ADAMTS9: variants seen among roughly 807,000 people sequenced by gnomAD.
The protein encoded by ADAMTS9 is A disintegrin and metalloproteinase with thrombospondin motifs 9.
ADAMTS9 carries 107 observed loss-of-function variants against 257.1 expected under a neutral mutation model. The observed-to-expected ratio is 0.42, with a 90% CI of 0.36 to 0.49. The LOEUF is 0.49. Among genes scored for constraint, ADAMTS9 ranks in the 20% least tolerant of loss-of-function variants. The probability of loss-of-function intolerance (pLI) is 0.03; values close to 1 mark genes in which losing one functional copy is unlikely to be tolerated. For missense variants in ADAMTS9, 2,353 were observed against 2,469.1 expected (o/e 0.95, Z 1.00); for synonymous variants, 982 against 880.9 (o/e 1.11, Z -2.03).
chr3:64,609,485 A>C (rs1424102607), intron 22 of ADAMTS9, among the ~76,000 whole-genome samples: 1 of 152,118 alleles, frequency 6.6e-6, no homozygotes, highest in African/African-American at 2.4e-5. Context: ...ATACATCAGC[A>C]ATGAACAATC....
At chr3:64,525,707 T>C (rs1330900921) in intron 38 of ADAMTS9, among the ~76,000 whole-genome samples, 1 of 151,680 alleles carries the variant, frequency 6.6e-6, no homozygotes, top group Admixed American at 6.6e-5. Context: ...ACCTCCCGGG[T>C]TCAAGCGATT....
chr3:64,552,422 T>C (rs921947251), intron 30 of ADAMTS9, among the ~76,000 whole-genome samples: 12 of 152,166 alleles, frequency 7.9e-5, no homozygotes, highest in African/African-American at 1.2e-4. Context: ...TCAAGACTCA[T>C]TGGGAAGCCC....
At position 64,686,917 on chromosome 3, in the gene ADAMTS9, A is replaced by T; in HGVS notation, c.167T>A (p.Val56Glu). 1 of 1,614,114 alleles carries T rather than the reference A, an allele frequency of 6.2e-7. No individual in the cohort carries two copies. Among genetic ancestry groups the T allele is most frequent in the Non-Finnish European group, 8.5e-7 (1 of 1,180,022 alleles). The change falls in exon 2 of 40, where the codon GTG becomes GAG. Residue 56 changes from valine (V) to glutamate (E), a missense_variant. By Grantham distance (121) the Val-to-Glu change is moderately radical (BLOSUM62 -2). Transcript: ENST00000498707. This position sits in a 1 kb window ranked among gnomAD's most constrained non-coding sequence, Gnocchi z 4.6. ...GGGAAAGGGTTCTCCGAGAGCGTTCACTCGGATGGGAGACACGATTTCGTA... is the reference window on the plus strand; with the variant it reads ...GGGAAAGGGTTCTCCGAGAGCGTTCTCTCGGATGGGAGACACGATTTCGTA... The part of the protein sequence containing the change: ...SEYEIVSPIR[V>E]NALGEPFPTN...
At chr3:64,626,512 T>A (rs1221740397) in intron 16 of ADAMTS9, among the ~76,000 whole-genome samples, 1 of 152,172 alleles carries the variant, frequency 6.6e-6, no homozygotes, top group Non-Finnish European at 1.5e-5. Flanking sequence ...TCCACTTTTT[T>A]GACTAATAGA....
At chr3:64,677,902 C>A (rs1380005947) in intron 3 of ADAMTS9, among the ~76,000 whole-genome samples, 2 of 152,230 alleles carry the variant, frequency 1.3e-5, no homozygotes, top group Non-Finnish European at 2.9e-5. Flanking sequence ...CTGTAGACTC[C>A]TTTCTAAACC....
chr3:64,541,372 C>T lies in ADAMTS9; in HGVS notation c.5335G>A (p.Val1779Met), dbSNP rs377449238. 13 of 1,614,014 alleles carry T rather than the reference C, an allele frequency of 8.1e-6. No homozygotes were observed. The highest frequency in any genetic ancestry group is 1.7e-5 in the Admixed American group (1 of 59,996). ...TCAGAGTCTCCATGCACCAGTGTCACGTACTCTTTGGGGTGGTCAGAGTGC... is the reference window on the plus strand; with the variant it reads ...TCAGAGTCTCCATGCACCAGTGTCATGTACTCTTTGGGGTGGTCAGAGTGC... ...GMHSDHPKEYVTLVHGDSENF... is the reference protein window; with the variant it reads ...GMHSDHPKEYMTLVHGDSENF... The change falls in exon 35 of 40, where the codon GTG becomes ATG. Residue 1779 changes from valine to methionine, a missense_variant. Transcript: ENST00000498707.
At chr3:64,649,541 G>A in intron 10 of ADAMTS9, 96 bp downstream of exon 10, 7 of 1,391,126 alleles carry the variant, frequency 5.0e-6, no homozygotes, top group Admixed American at 2.5e-5. Flanking sequence ...TTTTCCTTGG[G>A]TAGTTTATAG....
chr3:64,551,314 G>A (rs1399664607), intron 30 of ADAMTS9, among the ~76,000 whole-genome samples: 9 of 152,012 alleles, frequency 5.9e-5, no homozygotes, highest in Non-Finnish European at 7.4e-5. Context: ...GGTTCACGCC[G>A]TTTTCCTGCC....
chr3:64,648,152 G>A (rs1386835028), intron 10 of ADAMTS9, 108 bp from the exon 11 acceptor site: 21 of 958,700 alleles, frequency 2.2e-5, no homozygotes, highest in Non-Finnish European at 3.1e-5. Flanking sequence ...CATAGGGTAA[G>A]TGGGGAAGGA....
At chr3:64,517,415 G>GGTTTTTTTT (rs1553698661) in intron 39 of ADAMTS9, among the ~76,000 whole-genome samples, 188 of 11,512 alleles carry the variant, frequency 0.016, 8 homozygotes, top group African/African-American at 0.026. Context: ...AATTAAAAAT[G>GGTTTTTTTT]GTTTTTTTTT....
chr3:64,619,652 G>T lies in ADAMTS9; in HGVS notation c.2813+1462C>A, dbSNP rs117354114. ...TATAAGAACAATCCTATTAGTAAAA[G>T]AATATTAATAGGATAATATATAACT... is the stretch of plus-strand genomic sequence containing the variant. On this transcript the variant is annotated intron_variant, in intron 19 of 39. Transcript: ENST00000498707. 1.7e-3 allele frequency among the ~76,000 whole-genome samples: 254 copies of T among 152,142 alleles called. 6 individuals carry two copies. In the East Asian group the frequency reaches 0.046, roughly 27 times the overall value.
intron 11 of ADAMTS9, among the ~76,000 whole-genome samples, chr3:64,644,978 T>C (rs1020106643): frequency 6.6e-6 from 1 of 152,196 alleles, no homozygotes; most frequent in Non-Finnish European, 1.5e-5. Flanking sequence ...AATATGACCA[T>C]TGACAGGTGT....
chr3:64,666,786 A>G (rs1331038822), intron 3 of ADAMTS9, among the ~76,000 whole-genome samples: 1 of 152,226 alleles, frequency 6.6e-6, no homozygotes, highest in Non-Finnish European at 1.5e-5. Context: ...TTTTACTTGT[A>G]GCATGCAAAA....
In ADAMTS9 at chr3:64,633,539, T is replaced by C; in HGVS notation, c.2108A>G (p.Asp703Gly). The C allele has an allele frequency of 6.2e-7, 1 of 1,614,072 alleles. No homozygotes were observed. The highest frequency in any genetic ancestry group is 8.5e-7 in the Non-Finnish European group (1 of 1,179,988). ...ACAAGGAGTTCCATCTATCACTCTG[T>C]CTCGAAGCTGATAGTAGGCTGTGTT... ...AGNTAYYQLR[D>G]RVIDGTPCGQ... is the part of the protein sequence containing the mutation. Residue 703 changes from aspartate (D) to glycine (G), a missense_variant, in exon 14 of 40, where the codon GAC becomes GGC. Asp to Gly is a moderately conservative substitution (Grantham distance 94). Around this residue, in one of 3 missense-constraint regions of ADAMTS9, gnomAD observed 360 missense variants for 458.1 expected, o/e 0.79. Transcript: ENST00000498707.
intron 11 of ADAMTS9, among the ~76,000 whole-genome samples, chr3:64,646,545 G>C (rs918782761): frequency 6.6e-6 from 1 of 152,172 alleles, no homozygotes; most frequent in African/African-American, 2.4e-5. Flanking sequence ...TATAAACTTT[G>C]TGTTAGGTTG....
chr3:64,599,197 G>A (rs1489700037), intron 26 of ADAMTS9, among the ~76,000 whole-genome samples: 2 of 152,150 alleles, frequency 1.3e-5, no homozygotes, highest in African/African-American at 4.8e-5. Flanking sequence ...ACAGACAGAT[G>A]AAGTATTGTA....
chr3:64,543,024 G>A (rs998248920), intron 32 of ADAMTS9, among the ~76,000 whole-genome samples: 7 of 152,170 alleles, frequency 4.6e-5, no homozygotes, highest in Admixed American at 3.9e-4. Flanking sequence ...AGAAGGAATG[G>A]ATAAATTCCT....
chr3:64,618,892 T>C (rs924122540), intron 19 of ADAMTS9, among the ~76,000 whole-genome samples: 1 of 152,144 alleles, frequency 6.6e-6, no homozygotes, highest in South Asian at 2.1e-4. Context: ...AAGCACTGTT[T>C]ACATTTTATG....
At chr3:64,647,031 A>G (rs1700811558) in intron 11 of ADAMTS9, among the ~76,000 whole-genome samples, 1 of 152,178 alleles carries the variant, frequency 6.6e-6, no homozygotes, top group African/African-American at 2.4e-5. Flanking sequence ...GGTAAAGCGG[A>G]GGAAAAGGAA....
Sources: allele counts gnomAD v4.1 joint callset (sites outside exome capture counted in the v4.1 genomes callset), GRCh38; gene constraint gnomAD v4.1.1; regional missense constraint gnomAD v4.1.1; non-coding constraint Gnocchi (gnomAD v3.1); transcripts MANE v1.5; gene names NCBI Gene and HGNC (gene_info 2026-07-23, HGNC 2026-07-21).